The following WDR1 variants were observed in gnomAD, a reference collection of about 807,000 sequenced individuals.
WDR1 encodes WD repeat-containing protein 1.
A neutral mutation model predicts 71.9 loss-of-function variants in WDR1; 21 were observed. The observed-to-expected ratio is 0.29, with a 90% CI of 0.21 to 0.42. The LOEUF (loss-of-function observed/expected upper bound fraction) is 0.42. Among genes scored for constraint, WDR1 ranks in the 10% least tolerant of loss-of-function variants. The pLI is 1.00. For missense variants in WDR1, 696 were observed against 824.5 expected (o/e 0.84, Z 1.91); for synonymous variants, 424 against 347.4 (o/e 1.22, Z -2.45).
chr4:10,101,904 C>A (rs1017382684), intron 3 of WDR1, among the ~76,000 whole-genome samples: 16 of 152,230 alleles, frequency 1.1e-4, no homozygotes, highest in African/African-American at 3.9e-4. Context: ...CTTTTGCTGG[C>A]AAGCAGGGCT....
chr4:10,086,007 A>T (rs1478586887), intron 8 of WDR1, among the ~76,000 whole-genome samples: 2 of 152,220 alleles, frequency 1.3e-5, no homozygotes, highest in Admixed American at 6.5e-5. Context: ...GACAGTTGGC[A>T]GCAGTGGTAT....
intron 5 of WDR1, among the ~76,000 whole-genome samples, chr4:10,095,670 C>T (rs1242853836): frequency 6.6e-6 from 1 of 152,186 alleles, no homozygotes; most frequent in Non-Finnish European, 1.5e-5. Flanking sequence ...CCCTTCCTGT[C>T]CTTCCTATGC....
chr4:10,114,771 CTG>C (rs984755722), intron 2 of WDR1, among the ~76,000 whole-genome samples: 6 of 152,236 alleles, frequency 3.9e-5, no homozygotes, highest in African/African-American at 1.4e-4. Context: ...TTCTAGGAAT[CTG>C]TGTGACTAGC....
chr4:10,077,093 G>A (rs1764826811), intron 14 of WDR1: 3 of 647,954 alleles, frequency 4.6e-6, no homozygotes, highest in African/African-American at 3.7e-5. Flanking sequence ...CAGGTGTCCT[G>A]TGCATGGGGC....
Position 10,087,952 on chromosome 4 carries a change from A to C in WDR1, c.718-12T>G. The C allele has an allele frequency of 6.5e-7, 1 of 1,546,896 alleles. No homozygotes were observed. Among genetic ancestry groups the C allele is most frequent in the Admixed American group, 2.0e-5 (1 of 50,730 alleles). ...GGACTCCAACTAATCTATTCAGAAA[A>C]AAGCAGTGTGTCATGTGCCAGAGGA... On this transcript the variant is annotated splice_polypyrimidine_tract_variant and intron_variant, in intron 7 of 14. Transcript: ENST00000499869.
In WDR1 at chr4:10,086,814, G is replaced by A. The variant is rs115778090; in HGVS notation, c.951+893C>T. 5.2e-3 allele frequency among the ~76,000 whole-genome samples: 799 copies of A among 152,302 alleles called. 7 individuals are homozygous for A. Among genetic ancestry groups the A allele is most frequent in the Middle Eastern group, 0.02 (6 of 294 alleles). ...GATATTACAGCTTAGAATAGCAGGA[G>A]GGGTCACCCACCCTGGGCCACCAGC... On this transcript the variant is annotated intron_variant, in intron 8 of 14. Coordinates refer to ENST00000499869, the MANE Select transcript of WDR1 (RefSeq NM_017491.5).
chr4:10,099,530 G>T (rs1712562646), intron 3 of WDR1, among the ~76,000 whole-genome samples: 2 of 152,386 alleles, frequency 1.3e-5, no homozygotes, highest in South Asian at 2.1e-4. Context: ...AGGGGCATCA[G>T]AATGACGTGT....
At chr4:10,089,523 T>C (rs1015446594) in intron 5 of WDR1, among the ~76,000 whole-genome samples, 7 of 152,172 alleles carry the variant, frequency 4.6e-5, no homozygotes, top group African/African-American at 1.7e-4. Flanking sequence ...AATAAGGAAA[T>C]GAATGCATTC....
At chr4:10,108,872 C>T (rs933751838) in intron 2 of WDR1, among the ~76,000 whole-genome samples, 1 of 152,240 alleles carries the variant, frequency 6.6e-6, no homozygotes. Context: ...CTGACTCCCA[C>T]CCCACTGCCC....
At chr4:10,089,675 T>C (rs1711836883) in intron 5 of WDR1, among the ~76,000 whole-genome samples, 1 of 152,184 alleles carries the variant, frequency 6.6e-6, no homozygotes, top group South Asian at 2.1e-4. Context: ...CTAACAACTC[T>C]CTTGGCACAG....
intron 8 of WDR1, among the ~76,000 whole-genome samples, chr4:10,087,136 C>G (rs1049051778): frequency 6.6e-6 from 1 of 152,216 alleles, no homozygotes; most frequent in Non-Finnish European, 1.5e-5. Context: ...ACCTGGGACC[C>G]ATGGATGATT....
At chr4:10,104,907 C>G (rs1712928388) in intron 2 of WDR1, among the ~76,000 whole-genome samples, 1 of 152,200 alleles carries the variant, frequency 6.6e-6, no homozygotes, top group South Asian at 2.1e-4. Context: ...GCACCCCTAG[C>G]ATGACCCCAC....
chr4:10,078,723 A>T, intron 12 of WDR1, 168 bp downstream of exon 12: 2 of 572,642 alleles, frequency 3.5e-6, no homozygotes. Flanking sequence ...GGGTGGCAGG[A>T]GATGGCGTGG....
chr4:10,085,101 C>T (rs543501788), intron 8 of WDR1, among the ~76,000 whole-genome samples: 13 of 152,346 alleles, frequency 8.5e-5, no homozygotes, highest in African/African-American at 2.9e-4. Context: ...GGAGGGCACA[C>T]AAGGCTGGTC....
chr4:10,085,657 A>G lies in WDR1; in HGVS notation c.952-1127T>C, dbSNP rs542522262. On this transcript the variant is annotated intron_variant, in intron 8 of 14. Transcript: ENST00000499869. ...CAGAAACACTCCTAGCCATGCCCAGATGCCCACGGGTGTTCCTTCTGGAGG... is the reference window on the plus strand; with the variant it reads ...CAGAAACACTCCTAGCCATGCCCAGGTGCCCACGGGTGTTCCTTCTGGAGG... Among the ~76,000 whole-genome samples the G allele has an allele frequency of 1.1e-4, 17 of 152,338 alleles. No individual in the cohort carries two copies. The East Asian group carries it at 3.3e-3, about 29-fold the overall frequency.
chr4:10,086,130 C>T (rs1276373831), intron 8 of WDR1, among the ~76,000 whole-genome samples: 2 of 152,162 alleles, frequency 1.3e-5, no homozygotes, highest in Non-Finnish European at 2.9e-5. Context: ...TTTTTCTGGG[C>T]AGTAGCGAAG....
chr4:10,110,070 G>T (rs772103622), intron 2 of WDR1, among the ~76,000 whole-genome samples: 6 of 152,200 alleles, frequency 3.9e-5, no homozygotes, highest in Non-Finnish European at 5.9e-5. Context: ...AGGTGCTCAG[G>T]GGTATACACT....
chr4:10,083,038 T>C lies in WDR1; in HGVS notation c.1180A>G (p.Met394Val), dbSNP rs767933189. Reference sequence around the variant, plus strand: ...TGCTCTCACCTGTAGTCCCGCAGCATGAGGCTGGTGTACCGCACGGTGTCG... The same window carrying C: ...TGCTCTCACCTGTAGTCCCGCAGCACGAGGCTGGTGTACCGCACGGTGTCG... The part of the protein sequence containing the change: ...MDDTVRYTSL[M>V]LRDYSGQGVV... The change falls in exon 10 of 15, where the codon ATG becomes GTG. Residue 394 changes from methionine to valine, a missense_variant. Met to Val is a conservative substitution (Grantham distance 21). Transcript: ENST00000499869. 3.1e-6 allele frequency: 5 copies of C among 1,611,976 alleles called. No individual in the cohort carries two copies. Among genetic ancestry groups the C allele is most frequent in the East Asian group, 4.5e-5 (2 of 44,870 alleles).
At chr4:10,093,405 C>T (rs893009781) in intron 5 of WDR1, among the ~76,000 whole-genome samples, 2 of 152,234 alleles carry the variant, frequency 1.3e-5, no homozygotes, top group Non-Finnish European at 2.9e-5. Context: ...CCGTGACCTG[C>T]GAGGCTGGCT....
Sources: gnomAD v4.1 joint callset for allele counts (sites outside exome capture counted in the v4.1 genomes callset) on GRCh38, gnomAD v4.1.1 for gene constraint, MANE v1.5 for transcripts, NCBI Gene and HGNC (gene_info 2026-07-23, HGNC 2026-07-21) for gene names.